CFAP299: variants seen among roughly 807,000 people sequenced by gnomAD.
The protein encoded by CFAP299 is cilia- and flagella-associated protein 299.
A neutral mutation model predicts 27.0 loss-of-function variants in CFAP299; 21 were observed. The observed-to-expected ratio is 0.78, with a 90% CI of 0.55 to 1.12. CFAP299 has a LOEUF of 1.12. Ranked by LOEUF, CFAP299 falls within the 50% of genes most tolerant of loss-of-function variation. CFAP299 has a pLI of 0.00. For missense variants in CFAP299, 310 were observed against 276.6 expected, an observed-to-expected ratio of 1.12 and a Z score of -0.86; for synonymous variants, 104 against 98.1, an observed-to-expected ratio of 1.06 and a Z score of -0.36.
chr4:80,676,929 A>G (rs965162621), intron 3 of CFAP299, among the ~76,000 whole-genome samples: 1 of 151,794 alleles, frequency 6.6e-6, no homozygotes, highest in African/African-American at 2.4e-5. Flanking sequence ...GTATTTTTTT[A>G]GTGTCAATTT....
At chr4:80,683,421 T>A (rs576534450) in intron 3 of CFAP299, among the ~76,000 whole-genome samples, 1 of 152,336 alleles carries the variant, frequency 6.6e-6, no homozygotes, top group Admixed American at 6.5e-5. Context: ...ATTTTCTTAT[T>A]CTGTCATTTC....
intron 2 of CFAP299, among the ~76,000 whole-genome samples, chr4:80,410,896 C>T (rs1161832126): frequency 6.6e-6 from 1 of 151,952 alleles, no homozygotes; most frequent in Non-Finnish European, 1.5e-5. Context: ...AAACATCCTT[C>T]CTTAATACTG....
At chr4:80,539,599 C>T (rs1246154816) in intron 2 of CFAP299, among the ~76,000 whole-genome samples, 2 of 152,066 alleles carry the variant, frequency 1.3e-5, no homozygotes, top group East Asian at 1.9e-4. Context: ...GAGTTAAATA[C>T]AGGAAGCAGG....
At chr4:80,612,860 G>A (rs995934034) in intron 3 of CFAP299, among the ~76,000 whole-genome samples, 8 of 152,028 alleles carry the variant, frequency 5.3e-5, no homozygotes, top group South Asian at 2.1e-4. Context: ...CATTTAGCAC[G>A]TGGTTCTTAA....
chr4:80,833,565 A>G (rs564559517), intron 3 of CFAP299, among the ~76,000 whole-genome samples: 9 of 152,328 alleles, frequency 5.9e-5, no homozygotes, highest in Non-Finnish European at 7.3e-5. Flanking sequence ...AGCTCTAAAA[A>G]GCTTAATAAG....
At chr4:80,737,421 T>C (rs546560009) in intron 3 of CFAP299, among the ~76,000 whole-genome samples, 183 of 152,314 alleles carry the variant, frequency 1.2e-3, no homozygotes, top group African/African-American at 4.2e-3. Context: ...GTTCTCAGGC[T>C]TTTCTTTTCT....
At chr4:80,591,069 C>T (rs1736720959) in intron 3 of CFAP299, among the ~76,000 whole-genome samples, 1 of 142,806 alleles carries the variant, frequency 7.0e-6, no homozygotes, top group Non-Finnish European at 1.5e-5. Flanking sequence ...TATAGTCATA[C>T]ATGGAAGCAA....
chr4:80,738,906 A>G (rs1048837716), intron 3 of CFAP299, among the ~76,000 whole-genome samples: 10 of 151,544 alleles, frequency 6.6e-5, no homozygotes, highest in Non-Finnish European at 1.3e-4. Context: ...TTGTGTGTGT[A>G]TCCATTGTAT....
At chr4:80,787,517 T>C (rs115570661) in intron 3 of CFAP299, among the ~76,000 whole-genome samples, 141 of 152,056 alleles carry the variant, frequency 9.3e-4, no homozygotes, top group African/African-American at 3.2e-3. Flanking sequence ...TACTTCCTTC[T>C]TGGACAGCAA....
At chr4:80,643,176 A>T (rs1335888796) in intron 3 of CFAP299, among the ~76,000 whole-genome samples, 1 of 152,096 alleles carries the variant, frequency 6.6e-6, no homozygotes, top group Non-Finnish European at 1.5e-5. Context: ...AAATGTTAAG[A>T]AAGGAGTGAT....
intron 3 of CFAP299, among the ~76,000 whole-genome samples, chr4:80,607,112 T>C (rs908892883): frequency 6.6e-6 from 1 of 152,176 alleles, no homozygotes; most frequent in African/African-American, 2.4e-5. Context: ...CTAGTCAAGA[T>C]TATGATCAAA....
At chr4:80,722,739 AAAT>A (rs1355168101) in intron 3 of CFAP299, among the ~76,000 whole-genome samples, 1 of 152,018 alleles carries the variant, frequency 6.6e-6, no homozygotes, top group East Asian at 1.9e-4. Flanking sequence ...TCTCTACTAA[AAAT>A]ACAAAAAATT....
At chr4:80,515,926 A>G (rs1732562373) in intron 2 of CFAP299, among the ~76,000 whole-genome samples, 1 of 152,166 alleles carries the variant, frequency 6.6e-6, no homozygotes, top group Non-Finnish European at 1.5e-5. Flanking sequence ...TAATAATACA[A>G]GAAAGAAGAT....
At chr4:80,604,379 A>C (rs1378300818) in intron 3 of CFAP299, among the ~76,000 whole-genome samples, 3 of 152,178 alleles carry the variant, frequency 2.0e-5, no homozygotes, top group Non-Finnish European at 2.9e-5. Flanking sequence ...TTGGAAGTGT[A>C]TGTGACTAAA....
At chr4:80,653,923 A>G (rs75381077) in intron 3 of CFAP299, among the ~76,000 whole-genome samples, 10,544 of 152,098 alleles carry the variant, frequency 0.069, 824 homozygotes, top group African/African-American at 0.19. Flanking sequence ...TTTGTGTCCT[A>G]TTTGTTCATA....
At chr4:80,488,692 G>A (rs1730957008) in intron 2 of CFAP299, among the ~76,000 whole-genome samples, 1 of 152,128 alleles carries the variant, frequency 6.6e-6, no homozygotes, top group Admixed American at 6.6e-5. Flanking sequence ...TAGCCAGGAT[G>A]GTCTCGATCT....
chr4:80,686,042 G>A (rs990339876), intron 3 of CFAP299, among the ~76,000 whole-genome samples: 2 of 151,920 alleles, frequency 1.3e-5, no homozygotes, highest in African/African-American at 2.4e-5. Flanking sequence ...TGCTAAGAAC[G>A]ATTTTCACAG....
chr4:80,781,768 T>C (rs148629364), intron 3 of CFAP299, among the ~76,000 whole-genome samples: 1 of 151,918 alleles, frequency 6.6e-6, no homozygotes, highest in African/African-American at 2.4e-5. Context: ...GGGTATAATT[T>C]AGGATAAAGG....
At chr4:80,641,123 T>A (rs1278567137) in intron 3 of CFAP299, among the ~76,000 whole-genome samples, 1 of 152,214 alleles carries the variant, frequency 6.6e-6, no homozygotes, top group East Asian at 1.9e-4. Flanking sequence ...TATATGCAGA[T>A]ACAACATTAT....
Sources: gnomAD v4.1 joint callset for allele counts (sites outside exome capture counted in the v4.1 genomes callset) on GRCh38, gnomAD v4.1.1 for gene constraint, MANE v1.5 for transcripts, NCBI Gene and HGNC (gene_info 2026-07-23, HGNC 2026-07-21) for gene names.